The following PIGN variants were observed in gnomAD, a reference collection of about 807,000 sequenced individuals.
PIGN encodes the protein GPI ethanolamine phosphate transferase 1.
In PIGN, 117 loss-of-function variants were observed where a neutral mutation model predicts 125.4. The ratio of observed to expected loss-of-function variants is 0.93; its 90% confidence interval spans 0.80 to 1.09. The LOEUF is 1.09. Ranked by LOEUF, PIGN falls within the 50% of genes least tolerant of loss-of-function variation. The pLI is 0.00. For synonymous variants in PIGN, 392 were observed against 377.8 expected (o/e 1.04, Z -0.44); for missense variants, 1,075 against 1,094.9 (o/e 0.98, Z 0.26).
chr18:62,134,940 A>G (rs1027949142), intron 14 of PIGN, among the ~76,000 whole-genome samples: 1 of 152,146 alleles, frequency 6.6e-6, no homozygotes, highest in Non-Finnish European at 1.5e-5. Context: ...TTCTATGTAT[A>G]CATCATGTCC....
At chr18:62,165,822 C>T (rs2037113351) in intron 1 of PIGN, among the ~76,000 whole-genome samples, 1 of 152,018 alleles carries the variant, frequency 6.6e-6, no homozygotes, top group Non-Finnish European at 1.5e-5. Flanking sequence ...AATCTAGGAG[C>T]TTGGAGTTCT....
intron 3 of PIGN, 146 bp from the exon 4 acceptor site, chr18:62,161,531 A>G (rs1415592352): frequency 1.9e-6 from 1 of 527,158 alleles, no homozygotes; most frequent in Non-Finnish European, 3.4e-6. Context: ...GGTGGTAACA[A>G]TAAGCACTAT....
intron 4 of PIGN, among the ~76,000 whole-genome samples, chr18:62,160,916 G>A (rs865968077): frequency 7.2e-5 from 11 of 152,224 alleles, no homozygotes; most frequent in Admixed American, 2.0e-4. Context: ...TCAATTCACC[G>A]GTTATCAGCT....
Position 62,157,713 on chromosome 18 carries a change from T to G in PIGN, c.317A>C (p.Tyr106Ser), listed in dbSNP as rs368280915. ...TTTGGCAACTGCACTGACATCTTCA[T>G]AAAACCCAGCTATCAGAGCTACATG... ...PGHVALIAGFYEDVSAVAKGW... is the reference protein window; with the variant it reads ...PGHVALIAGFSEDVSAVAKGW... The change falls in exon 5 of 31, where the codon TAT becomes TCT. Residue 106 changes from tyrosine (Y) to serine (S), a missense_variant. Transcript: ENST00000640252. The G allele has an allele frequency of 8.6e-5, 138 of 1,611,874 alleles. No homozygotes were observed. Among genetic ancestry groups the G allele is most frequent in the Non-Finnish European group, 1.1e-4 (126 of 1,178,918 alleles).
chr18:62,091,992 C>T (rs1351801132), intron 23 of PIGN, among the ~76,000 whole-genome samples: 1 of 152,108 alleles, frequency 6.6e-6, no homozygotes, highest in African/African-American at 2.4e-5. Context: ...GCATACGCCA[C>T]TATTTCCTAA....
At chr18:62,092,827 C>T (rs557234652) in intron 23 of PIGN, among the ~76,000 whole-genome samples, 9 of 152,012 alleles carry the variant, frequency 5.9e-5, no homozygotes, top group African/African-American at 1.9e-4. Context: ...TGCTTGTATC[C>T]CTGGCCTTTC....
chr18:62,112,245 A>G (rs1012825532), intron 16 of PIGN, among the ~76,000 whole-genome samples: 1 of 152,226 alleles, frequency 6.6e-6, no homozygotes, highest in African/African-American at 2.4e-5. Context: ...ATTATACAAA[A>G]TTATAATAAA....
At chr18:62,116,372 A>T (rs2035085195) in intron 14 of PIGN, among the ~76,000 whole-genome samples, 1 of 152,156 alleles carries the variant, frequency 6.6e-6, no homozygotes, top group African/African-American at 2.4e-5. Flanking sequence ...TACAATTGAT[A>T]TGGGCATCTC....
chr18:62,047,214 C>G (rs1401479286), intron 30 of PIGN, among the ~76,000 whole-genome samples: 1 of 152,196 alleles, frequency 6.6e-6, no homozygotes, highest in East Asian at 1.9e-4. Context: ...CCATCCTCAC[C>G]AGGCTATAAT....
intron 23 of PIGN, among the ~76,000 whole-genome samples, chr18:62,092,950 CTTAA>C (rs1348311256): frequency 1.3e-5 from 2 of 152,006 alleles, no homozygotes; most frequent in African/African-American, 4.8e-5. Context: ...CTCACAGTAA[CTTAA>C]TTGTTTGATT....
chr18:62,155,467 G>A (rs141071998), intron 6 of PIGN, among the ~76,000 whole-genome samples: 5 of 152,274 alleles, frequency 3.3e-5, no homozygotes, highest in Non-Finnish European at 7.4e-5. Context: ...TACTCAGGGG[G>A]CTGAGGCAGA....
intron 14 of PIGN, among the ~76,000 whole-genome samples, chr18:62,129,589 A>T (rs1283417849): frequency 6.6e-6 from 1 of 152,120 alleles, no homozygotes; most frequent in Non-Finnish European, 1.5e-5. Context: ...GTCACTCATA[A>T]TACATTGAAT....
chr18:62,109,845 C>T lies in PIGN; in HGVS notation c.1563G>A (p.Ala521=), dbSNP rs759731939. 2.5e-6 allele frequency: 4 copies of T among 1,609,914 alleles called. No individual in the cohort carries two copies. The highest frequency in any genetic ancestry group is 2.2e-5 in the East Asian group (1 of 44,738). The change falls in exon 17 of 31, where the codon GCG becomes GCA. Residue 521 remains alanine (A), a synonymous_variant. Coordinates refer to ENST00000640252, the MANE Select transcript of PIGN (RefSeq NM_176787.5). ...GATGCATTACTTACTCTCTTAGAAC[C>T]GCATACCATATTGGCAGTGGCAACA... The part of the protein sequence containing the change: ...YGLLPLPIWY[A]VLREFQVIQD...
intron 20 of PIGN, chr18:62,103,861 TCA>T: frequency 6.6e-6 from 1 of 152,202 alleles, no homozygotes; most frequent in East Asian, 1.9e-4. Flanking sequence ...GAAAAAATAG[TCA>T]CATATGATCA....
chr18:62,154,386 G>C (rs2036644571), intron 7 of PIGN, 159 bp downstream of exon 7: 1 of 515,134 alleles, frequency 1.9e-6, no homozygotes, highest in Admixed American at 4.0e-5. Context: ...TATTTATTTA[G>C]AATGTGTAAT....
intron 7 of PIGN, among the ~76,000 whole-genome samples, chr18:62,150,944 C>A (rs1339923570): frequency 1.3e-5 from 2 of 152,144 alleles, no homozygotes; most frequent in Non-Finnish European, 2.9e-5. Context: ...ACGTGATCCA[C>A]CCGCCTCGGC....
At chr18:62,168,537 A>G (rs1362481481) in intron 1 of PIGN, among the ~76,000 whole-genome samples, 3 of 152,182 alleles carry the variant, frequency 2.0e-5, no homozygotes, top group Non-Finnish European at 2.9e-5. Flanking sequence ...TATATACACC[A>G]TGACTCTTTA....
In PIGN at chr18:62,058,417, C is replaced by T. The variant is rs1024811838; in HGVS notation, c.2673-12438G>A. On this transcript the variant is annotated intron_variant, in intron 30 of 30. Coordinates refer to ENST00000640252, the MANE Select transcript of PIGN (RefSeq NM_176787.5). ...CTAGAAAACTCCATGCAGTTCATGG[C>T]CTTTTGCTATTGAAATAGCATCAAC... Among the ~76,000 whole-genome samples the T allele has an allele frequency of 1.2e-4, 19 of 152,290 alleles. No homozygotes were observed. The East Asian group carries it at 3.7e-3, about 29-fold the overall frequency.
intron 14 of PIGN, among the ~76,000 whole-genome samples, chr18:62,116,812 AC>A (rs2146659305): frequency 6.6e-6 from 1 of 152,280 alleles, no homozygotes; most frequent in East Asian, 1.9e-4. Context: ...ATAAGAGACT[AC>A]CATACGTTGC....
Sources: gnomAD v4.1 joint callset for allele counts (sites outside exome capture counted in the v4.1 genomes callset) on GRCh38, gnomAD v4.1.1 for gene constraint, MANE v1.5 for transcripts, NCBI Gene and HGNC (gene_info 2026-07-23, HGNC 2026-07-21) for gene names.